FHIT: variants seen among roughly 807,000 people sequenced by gnomAD.
FHIT encodes the protein fragile histidine triad diadenosine triphosphatase, also known as bis(5'-adenosyl)-triphosphatase.
A neutral mutation model predicts 17.9 loss-of-function variants in FHIT; 19 were observed. That is an observed-to-expected ratio of 1.06 (90% confidence interval 0.74 to 1.56). The LOEUF is 1.56. Ranked by LOEUF, FHIT falls within the 40% of genes most tolerant of loss-of-function variation. FHIT has a pLI of 0.00. For missense variants in FHIT, 248 were observed against 189.2 expected, an observed-to-expected ratio of 1.31 and a Z score of -1.82; for synonymous variants, 81 against 69.7, an observed-to-expected ratio of 1.16 and a Z score of -0.81.
intron 3 of FHIT, among the ~76,000 whole-genome samples, chr3:60,865,525 T>G (rs569669063): frequency 6.6e-6 from 1 of 152,318 alleles, no homozygotes; most frequent in South Asian, 2.1e-4. Context: ...TCAGACTTAC[T>G]TATAAGAGTC....
At chr3:60,821,837 A>T (rs1303326049) in intron 4 of FHIT, 82 bp downstream of exon 4, 1 of 152,180 alleles carries the variant, frequency 6.6e-6, no homozygotes, top group Non-Finnish European at 1.5e-5. Context: ...ACATAGGAAC[A>T]TTACTACTAT....
intron 8 of FHIT, among the ~76,000 whole-genome samples, chr3:59,907,865 C>A (rs1308221056): frequency 4.6e-5 from 7 of 152,330 alleles, no homozygotes; most frequent in Admixed American, 4.6e-4. Context: ...CCTTTTCCAG[C>A]TTCTAGAGGC....
intron 7 of FHIT, among the ~76,000 whole-genome samples, chr3:59,927,814 G>T (rs1705749097): frequency 6.6e-6 from 1 of 151,970 alleles, no homozygotes; most frequent in South Asian, 2.1e-4. Flanking sequence ...AACTGCAGTG[G>T]GTTTCAGAGC....
intron 3 of FHIT, among the ~76,000 whole-genome samples, chr3:61,009,458 C>A (rs531067465): frequency 6.6e-6 from 1 of 152,100 alleles, no homozygotes; most frequent in African/African-American, 2.4e-5. Context: ...TAAACTGATG[C>A]CTTAGTGAAA....
At chr3:60,404,399 G>C (rs1701772055) in intron 5 of FHIT, among the ~76,000 whole-genome samples, 1 of 152,134 alleles carries the variant, frequency 6.6e-6, no homozygotes, top group African/African-American at 2.4e-5. Flanking sequence ...AGGTCACTGA[G>C]TATGTACTAC....
At chr3:59,766,942 C>G (rs1201370819) in intron 8 of FHIT, among the ~76,000 whole-genome samples, 1 of 152,194 alleles carries the variant, frequency 6.6e-6, no homozygotes, top group East Asian at 1.9e-4. Flanking sequence ...GCTTCAAAAT[C>G]TGTGAGAGTT....
At chr3:60,979,394 G>C (rs1710392911) in intron 3 of FHIT, among the ~76,000 whole-genome samples, 1 of 152,198 alleles carries the variant, frequency 6.6e-6, no homozygotes, top group African/African-American at 2.4e-5. Flanking sequence ...TCCCACATCA[G>C]CAGACTGAAC....
intron 5 of FHIT, among the ~76,000 whole-genome samples, chr3:60,279,279 ATAACT>A (rs1235672089): frequency 6.6e-6 from 1 of 152,158 alleles, no homozygotes; most frequent in Non-Finnish European, 1.5e-5. Flanking sequence ...CTCAAATTTG[ATAACT>A]TAGATAAACA....
At chr3:60,071,999 C>T (rs924883626) in intron 5 of FHIT, among the ~76,000 whole-genome samples, 5 of 152,134 alleles carry the variant, frequency 3.3e-5, no homozygotes, top group Admixed American at 6.5e-5. Flanking sequence ...ACTGTGAGTC[C>T]GTTAAACCTC....
At chr3:60,600,466 G>A (rs2038407649) in intron 4 of FHIT, among the ~76,000 whole-genome samples, 1 of 152,052 alleles carries the variant, frequency 6.6e-6, no homozygotes, top group Non-Finnish European at 1.5e-5. Flanking sequence ...ATTTTTAAAA[G>A]TAAGAAAATG....
At chr3:60,986,828 G>A (rs1053702109) in intron 3 of FHIT, among the ~76,000 whole-genome samples, 8 of 152,140 alleles carry the variant, frequency 5.3e-5, no homozygotes, top group Non-Finnish European at 1.2e-4. Context: ...TGAGTTCTCT[G>A]TGGGCACTTA....
chr3:61,209,647 T>C (rs1257870842), intron 1 of FHIT, among the ~76,000 whole-genome samples: 1 of 152,258 alleles, frequency 6.6e-6, no homozygotes, highest in East Asian at 1.9e-4. Flanking sequence ...TCTCGTGCCT[T>C]GGTTTTCAGC....
intron 5 of FHIT, among the ~76,000 whole-genome samples, chr3:60,307,766 T>A (rs760322): frequency 6.6e-6 from 1 of 151,848 alleles, no homozygotes; most frequent in Non-Finnish European, 1.5e-5. Context: ...GAGAGAGCTG[T>A]TTCCCTACTA....
At chr3:60,995,848 T>C (rs2030634808) in intron 3 of FHIT, among the ~76,000 whole-genome samples, 1 of 152,158 alleles carries the variant, frequency 6.6e-6, no homozygotes, top group African/African-American at 2.4e-5. Flanking sequence ...AAAAAATAAA[T>C]ACTAGTGGCC....
chr3:60,134,766 G>A lies in FHIT; in HGVS notation c.104-120614C>T, dbSNP rs187443074. On this transcript the variant is annotated intron_variant, in intron 5 of 9. Coordinates refer to ENST00000492590, the MANE Select transcript of FHIT (RefSeq NM_002012.4). ...TATCACTTATTTCAAGTCATCAAAC[G>A]TATGAGTCAGCTGTATCTTGATACA... Among the ~76,000 whole-genome samples the A allele has an allele frequency of 1.3e-3, 205 of 152,202 alleles. 1 individual carries two copies. The highest frequency in any genetic ancestry group is 1.4e-3 in the Non-Finnish European group (94 of 68,016).
intron 2 of FHIT, among the ~76,000 whole-genome samples, chr3:61,064,004 G>A (rs2106709802): frequency 6.6e-6 from 1 of 152,234 alleles, no homozygotes; most frequent in Middle Eastern, 3.4e-3. Flanking sequence ...AACATACCTT[G>A]ATCTTTCTCA....
intron 5 of FHIT, among the ~76,000 whole-genome samples, chr3:60,522,447 TG>T (rs1389286721): frequency 1.3e-5 from 2 of 152,196 alleles, no homozygotes; most frequent in Non-Finnish European, 2.9e-5. Flanking sequence ...AGGAACAACC[TG>T]TTCTTGTTTC....
intron 3 of FHIT, among the ~76,000 whole-genome samples, chr3:60,891,318 T>C (rs1705507331): frequency 1.3e-5 from 2 of 152,198 alleles, no homozygotes; most frequent in Admixed American, 1.3e-4. Context: ...GGTTTGATTC[T>C]ACCCACAGCT....
chr3:60,750,725 A>G (rs1380697052), intron 4 of FHIT, among the ~76,000 whole-genome samples: 3 of 152,138 alleles, frequency 2.0e-5, no homozygotes, highest in African/African-American at 7.2e-5. Flanking sequence ...AAAACAGACT[A>G]ATACACCTCC....
Sources: gnomAD v4.1 joint callset for allele counts (sites outside exome capture counted in the v4.1 genomes callset) on GRCh38, gnomAD v4.1.1 for gene constraint, MANE v1.5 for transcripts, NCBI Gene and HGNC (gene_info 2026-07-23, HGNC 2026-07-21) for gene names.